The following NXPE4 variants were observed in gnomAD, a reference collection of about 807,000 sequenced individuals.
The protein encoded by NXPE4 is NXPE family member 4.
A neutral mutation model predicts 33.3 loss-of-function variants in NXPE4; 42 were observed. The observed-to-expected ratio is 1.26, with a 90% confidence interval of 0.98 to 1.63. NXPE4 has a LOEUF of 1.63. Among genes scored for constraint, NXPE4 ranks in the 40% most tolerant of loss-of-function variants. NXPE4 has a pLI of 0.00. For missense variants in NXPE4, 709 were observed against 647.6 expected (o/e 1.09, Z -1.03); for synonymous variants, 253 against 234.9 (o/e 1.08, Z -0.71).
the NXPE4 span, among the ~76,000 whole-genome samples, chr11:114,624,937 G>A: frequency 3.9e-5 from 6 of 152,130 alleles, no homozygotes; most frequent in South Asian, 8.3e-4. Flanking sequence ...TGGATAATAC[G>A]TGTTGCCTCG....
chr11:114,651,734 G>C, the NXPE4 span, among the ~76,000 whole-genome samples: 4 of 152,158 alleles, frequency 2.6e-5, no homozygotes, highest in African/African-American at 9.7e-5. Flanking sequence ...GTTACACACA[G>C]AGCGCTGATT....
the NXPE4 span, among the ~76,000 whole-genome samples, chr11:114,649,384 T>G: frequency 3.3e-5 from 5 of 152,142 alleles, no homozygotes; most frequent in Non-Finnish European, 1.5e-5. Context: ...ATGAACACAA[T>G]GAAGTAATAT....
chr11:114,641,217 A>G, the NXPE4 span, among the ~76,000 whole-genome samples: 1 of 152,024 alleles, frequency 6.6e-6, no homozygotes, highest in Non-Finnish European at 1.5e-5. Context: ...GAGTTGAGAA[A>G]ACATGAAAGA....
At chr11:114,666,003 G>C in the NXPE4 span, among the ~76,000 whole-genome samples, 1 of 152,040 alleles carries the variant, frequency 6.6e-6, no homozygotes, top group African/African-American at 2.4e-5. Flanking sequence ...ACAGGTTTCC[G>C]ATTCCAGTGC....
At chr11:114,671,759 A>G in the NXPE4 span, among the ~76,000 whole-genome samples, 1 of 152,098 alleles carries the variant, frequency 6.6e-6, no homozygotes, top group Non-Finnish European at 1.5e-5. Flanking sequence ...GAGAGCATTC[A>G]TAGCCAACAG....
chr11:114,637,434 C>T, the NXPE4 span, among the ~76,000 whole-genome samples: 6 of 151,972 alleles, frequency 3.9e-5, no homozygotes, highest in South Asian at 1.2e-3. Flanking sequence ...CAGTCTGTGT[C>T]TTTTAATTGG....
At chr11:114,595,170 A>G (rs1012245542) in intron 1 of NXPE4, among the ~76,000 whole-genome samples, 1 of 152,186 alleles carries the variant, frequency 6.6e-6, no homozygotes, top group Non-Finnish European at 1.5e-5. Context: ...GAACCACATC[A>G]TTACAGTGCC....
chr11:114,623,873 AC>A, the NXPE4 span, among the ~76,000 whole-genome samples: 2 of 152,228 alleles, frequency 1.3e-5, no homozygotes, highest in East Asian at 3.9e-4. Flanking sequence ...AACAACTGTT[AC>A]CCAGGGGATA....
the NXPE4 span, among the ~76,000 whole-genome samples, chr11:114,615,884 T>G: frequency 6.6e-6 from 1 of 151,652 alleles, no homozygotes; most frequent in Non-Finnish European, 1.5e-5. Context: ...TGGTCAATAA[T>G]AAGTGTTGCC....
chr11:114,589,945 C>T (rs1450419518), intron 2 of NXPE4, among the ~76,000 whole-genome samples: 2 of 152,132 alleles, frequency 1.3e-5, no homozygotes, highest in East Asian at 1.9e-4. Flanking sequence ...AATCCAAATG[C>T]CTGAGGGAAC....
chr11:114,605,611 G>T, the NXPE4 span, among the ~76,000 whole-genome samples: 1 of 151,920 alleles, frequency 6.6e-6, no homozygotes, highest in Non-Finnish European at 1.5e-5. Flanking sequence ...CTGTTACCCG[G>T]TGGATAATAA....
chr11:114,648,395 G>A, the NXPE4 span, among the ~76,000 whole-genome samples: 1 of 152,160 alleles, frequency 6.6e-6, no homozygotes, highest in South Asian at 2.1e-4. Flanking sequence ...ATTCAGGCAG[G>A]AAGAATTCTC....
the NXPE4 span, among the ~76,000 whole-genome samples, chr11:114,649,647 T>C: frequency 6.6e-6 from 1 of 152,136 alleles, no homozygotes; most frequent in African/African-American, 2.4e-5. Context: ...CTATGAAATA[T>C]AAAGTAGGTT....
At chr11:114,632,233 T>C in the NXPE4 span, among the ~76,000 whole-genome samples, 1 of 140,464 alleles carries the variant, frequency 7.1e-6, no homozygotes, top group Non-Finnish European at 1.5e-5. Flanking sequence ...ATATGTATAA[T>C]ATATATGTAT....
At chr11:114,602,247 AAT>A in the NXPE4 span, among the ~76,000 whole-genome samples, 886 of 117,256 alleles carry the variant, frequency 7.6e-3, 10 homozygotes, top group African/African-American at 0.029. Flanking sequence ...TACTATATAC[AAT>A]ATATGTTATA....
chr11:114,601,808 T>TATAATTATATAAC, the NXPE4 span, among the ~76,000 whole-genome samples: 1 of 74,190 alleles, frequency 1.3e-5, no homozygotes, highest in African/African-American at 5.4e-5. Flanking sequence ...GATTATATAT[T>TATAATTATATAAC]ATATAATTAT....
chr11:114,626,921 G>T, the NXPE4 span, among the ~76,000 whole-genome samples: 2 of 151,690 alleles, frequency 1.3e-5, no homozygotes, highest in South Asian at 2.1e-4. Flanking sequence ...GGGTATCAGT[G>T]ATGGAAGATG....
the NXPE4 span, among the ~76,000 whole-genome samples, chr11:114,640,683 T>A: frequency 6.6e-6 from 1 of 152,072 alleles, no homozygotes; most frequent in Non-Finnish European, 1.5e-5. Context: ...ATTATGCTTT[T>A]AATTTCCATT....
At chr11:114,650,464 A>C in the NXPE4 span, among the ~76,000 whole-genome samples, 1 of 152,178 alleles carries the variant, frequency 6.6e-6, no homozygotes, top group African/African-American at 2.4e-5. Context: ...GCAGGCATGA[A>C]GGAAGTAATT....
Sources: gnomAD v4.1 joint callset for allele counts (sites outside exome capture counted in the v4.1 genomes callset) on GRCh38, gnomAD v4.1.1 for gene constraint, MANE v1.5 for transcripts, NCBI Gene and HGNC (gene_info 2026-07-23, HGNC 2026-07-21) for gene names.